The following GREM2 variants were observed in gnomAD, a reference collection of about 807,000 sequenced individuals.
GREM2 encodes the protein gremlin 2, DAN family BMP antagonist, also known as gremlin-2.
Under a neutral mutation model 14.2 loss-of-function variants are expected in GREM2, and 11 were observed. The ratio of observed to expected loss-of-function variants is 0.78; its 90% confidence interval spans 0.49 to 1.28. The LOEUF (loss-of-function observed/expected upper bound fraction) is 1.28, where lower values mean the gene tolerates loss of function less well. Among genes scored for constraint, GREM2 ranks in the 50% most tolerant of loss-of-function variants. The pLI, the probability that GREM2 is intolerant of heterozygous loss-of-function variation, is 0.00. For missense variants in GREM2, 210 were observed against 218.5 expected (o/e 0.96, Z 0.24); for synonymous variants, 98 against 97.6 (o/e 1.00, Z -0.02).
rs75668317 is a variant in GREM2, at chr1:240,508,159, T to C, written c.-1-14683A>G. Among the ~76,000 whole-genome samples, 395 of 152,298 alleles carry C rather than the reference T, an allele frequency of 2.6e-3. 1 individual carries two copies. Among genetic ancestry groups the C allele is most frequent in the African/African-American group, 9.0e-3 (373 of 41,560 alleles). Reference sequence around the variant, plus strand: ...TCTACAATGGAAAACTTCATCAGGGTAGAGACTAAGTCTGTTTTGTTCACC... The same window carrying C: ...TCTACAATGGAAAACTTCATCAGGGCAGAGACTAAGTCTGTTTTGTTCACC... On this transcript the variant is annotated intron_variant, in intron 1 of 1. Coordinates refer to ENST00000318160, the MANE Select transcript of GREM2 (RefSeq NM_022469.4).
At chr1:240,513,749 A>G (rs569654728) in intron 1 of GREM2, among the ~76,000 whole-genome samples, 72 of 152,254 alleles carry the variant, frequency 4.7e-4, no homozygotes, top group African/African-American at 1.7e-3. Flanking sequence ...AGAAGCCACA[A>G]CAGGGTTTAG....
chr1:240,594,317 T>G (rs1181973891), intron 1 of GREM2, among the ~76,000 whole-genome samples: 2 of 152,184 alleles, frequency 1.3e-5, no homozygotes, highest in Non-Finnish European at 2.9e-5. Flanking sequence ...TTCCTCACTA[T>G]GCAATATTCA....
chr1:240,514,857 TCTGCACTCCAGCCTCTGTGCCC>T (rs1245630152), intron 1 of GREM2, among the ~76,000 whole-genome samples: 2 of 152,026 alleles, frequency 1.3e-5, no homozygotes, highest in Admixed American at 1.3e-4. Flanking sequence ...CTCAATCTCC[TCTGCACTCCAGCCTCTGTGCCC>T]CTGCACTCCA....
chr1:240,603,087 AAAAAT>A (rs1679960088), intron 1 of GREM2, among the ~76,000 whole-genome samples: 1 of 152,182 alleles, frequency 6.6e-6, no homozygotes, highest in African/African-American at 2.4e-5. Context: ...CGTCTCAAAA[AAAAAT>A]AAAATAGAGA....
chr1:240,500,236 C>T (rs1335498035), intron 1 of GREM2, among the ~76,000 whole-genome samples: 1 of 152,082 alleles, frequency 6.6e-6, no homozygotes, highest in Non-Finnish European at 1.5e-5. Flanking sequence ...TGGTATTCGT[C>T]GTTCCTGTTG....
chr1:240,587,682 G>GCATTAT (rs1383014202), intron 1 of GREM2, among the ~76,000 whole-genome samples: 1 of 152,092 alleles, frequency 6.6e-6, no homozygotes, highest in Non-Finnish European at 1.5e-5. Context: ...CTTATTAGCT[G>GCATTAT]CATTATGTTA....
chr1:240,560,558 T>C (rs1417099937), intron 1 of GREM2, among the ~76,000 whole-genome samples: 1 of 152,176 alleles, frequency 6.6e-6, no homozygotes, highest in East Asian at 1.9e-4. Context: ...GAAACAGTTA[T>C]TTGAGTGGGG....
intron 1 of GREM2, among the ~76,000 whole-genome samples, chr1:240,599,819 G>A (rs1679886350): frequency 6.6e-6 from 1 of 152,182 alleles, no homozygotes; most frequent in African/African-American, 2.4e-5. Context: ...AAATGATTAG[G>A]ACTGTTTCAG....
At chr1:240,531,132 C>A (rs1442777410) in intron 1 of GREM2, among the ~76,000 whole-genome samples, 1 of 152,164 alleles carries the variant, frequency 6.6e-6, no homozygotes, top group African/African-American at 2.4e-5. Context: ...CTCCCTTAAC[C>A]AAGGAAGACT....
At chr1:240,511,586 A>G (rs1329038535) in intron 1 of GREM2, among the ~76,000 whole-genome samples, 1 of 152,164 alleles carries the variant, frequency 6.6e-6, no homozygotes, top group Non-Finnish European at 1.5e-5. Flanking sequence ...CCCCGTCACT[A>G]CTAAAAATAC....
At chr1:240,596,115 G>A (rs1043919895) in intron 1 of GREM2, among the ~76,000 whole-genome samples, 3 of 152,042 alleles carry the variant, frequency 2.0e-5, no homozygotes, top group Non-Finnish European at 2.9e-5. Flanking sequence ...CTGAATGATC[G>A]GTAGGCATTA....
chr1:240,580,323 T>G (rs1363851080), intron 1 of GREM2, among the ~76,000 whole-genome samples: 1 of 152,200 alleles, frequency 6.6e-6, no homozygotes, highest in African/African-American at 2.4e-5. Context: ...TGAATAACTG[T>G]TAGGTTTCTG....
At chr1:240,505,977 T>A (rs12087558) in intron 1 of GREM2, among the ~76,000 whole-genome samples, 2,939 of 151,986 alleles carry the variant, frequency 0.019, 102 homozygotes, top group African/African-American at 0.066. Flanking sequence ...GGTATAACCA[T>A]TTTTTTAAAA....
chr1:240,611,308 C>A (rs562814064), intron 1 of GREM2, among the ~76,000 whole-genome samples: 2 of 152,162 alleles, frequency 1.3e-5, no homozygotes, highest in Non-Finnish European at 2.9e-5. Context: ...GGATCACTGA[C>A]AATCACGTTA....
intron 1 of GREM2, among the ~76,000 whole-genome samples, chr1:240,523,396 T>G (rs969935701): frequency 6.6e-6 from 1 of 152,166 alleles, no homozygotes; most frequent in Non-Finnish European, 1.5e-5. Flanking sequence ...ATTCCTGGCT[T>G]CCACCCATTA....
intron 1 of GREM2, among the ~76,000 whole-genome samples, chr1:240,515,720 G>T (rs1238912169): frequency 6.6e-6 from 1 of 152,142 alleles, no homozygotes; most frequent in Non-Finnish European, 1.5e-5. Context: ...TCTTCCTGAG[G>T]CTGTGTTCCA....
intron 1 of GREM2, among the ~76,000 whole-genome samples, chr1:240,535,088 G>A (rs1342156347): frequency 6.6e-6 from 1 of 152,118 alleles, no homozygotes; most frequent in East Asian, 1.9e-4. Context: ...ATAGATTTGA[G>A]TCTATAACAT....
At chr1:240,516,944 G>C (rs1334785757) in intron 1 of GREM2, among the ~76,000 whole-genome samples, 1 of 152,116 alleles carries the variant, frequency 6.6e-6, no homozygotes, top group African/African-American at 2.4e-5. Flanking sequence ...TCTGTCTCTA[G>C]TACTTGTCAC....
intron 1 of GREM2, among the ~76,000 whole-genome samples, chr1:240,495,800 A>G (rs1320920456): frequency 6.6e-6 from 1 of 152,180 alleles, no homozygotes; most frequent in Non-Finnish European, 1.5e-5. Context: ...TCTAAACCAC[A>G]AGAGGCCTTT....
Sources: gnomAD v4.1 joint callset for allele counts (sites outside exome capture counted in the v4.1 genomes callset) on GRCh38, gnomAD v4.1.1 for gene constraint, MANE v1.5 for transcripts, NCBI Gene and HGNC (gene_info 2026-07-23, HGNC 2026-07-21) for gene names.